TEK: variants seen among roughly 807,000 people sequenced by gnomAD.
TEK encodes the protein TEK receptor tyrosine kinase, also known as angiopoietin-1 receptor.
Under a neutral mutation model 131.8 loss-of-function variants are expected in TEK, and 43 were observed. The ratio of observed to expected loss-of-function variants is 0.33; its 90% CI spans 0.26 to 0.42. The LOEUF (loss-of-function observed/expected upper bound fraction) is 0.42. Among genes scored for constraint, TEK ranks in the 10% least tolerant of loss-of-function variants. The pLI is 1.00. For synonymous variants in TEK, 580 were observed against 491.6 expected, an observed-to-expected ratio of 1.18 and a Z score of -2.38; for missense variants, 1,162 against 1,384.4, an observed-to-expected ratio of 0.84 and a Z score of 2.55.
chr9:27,227,174 C>G (rs1826370588), intron 21 of TEK, among the ~76,000 whole-genome samples: 1 of 152,172 alleles, frequency 6.6e-6, no homozygotes, highest in Non-Finnish European at 1.5e-5. Context: ...TAAGGTTCCC[C>G]AGAGTCATTT....
chr9:27,127,183 G>A (rs1822019521), intron 1 of TEK, among the ~76,000 whole-genome samples: 1 of 152,136 alleles, frequency 6.6e-6, no homozygotes, highest in Admixed American at 6.5e-5. Flanking sequence ...CCGTGTCCAT[G>A]TGTTCTCATT....
chr9:27,222,950 T>TAA (rs540152198), intron 21 of TEK, among the ~76,000 whole-genome samples: 1 of 151,078 alleles, frequency 6.6e-6, no homozygotes, highest in Non-Finnish European at 1.5e-5. Flanking sequence ...TAGAAAGCAA[T>TAA]AAAAAAAAGC....
intron 1 of TEK, among the ~76,000 whole-genome samples, chr9:27,135,535 T>A (rs1207883396): frequency 6.6e-6 from 1 of 152,226 alleles, no homozygotes; most frequent in East Asian, 1.9e-4. Flanking sequence ...ATTTGCCACA[T>A]ACTGTTAATA....
chr9:27,173,387 C>G (rs1384462574), intron 6 of TEK, 25 bp downstream of exon 6: 5 of 1,613,508 alleles, frequency 3.1e-6, no homozygotes, highest in Non-Finnish European at 4.2e-6. Flanking sequence ...CACCCTTGGA[C>G]AGAGGATGTT....
rs745762092 is a variant in TEK, at chr9:27,228,337, A to C, written c.3300+32A>C. On this transcript the variant is annotated intron_variant, in intron 22 of 22. Transcript: ENST00000380036. The stretch of plus-strand genomic sequence containing the variant: ...ATTAAAGTCAGGCAGGAGATCTTTA[A>C]TTGGAATACCTGATGTGCCCAGGGT... The C allele has an allele frequency of 1.6e-5, 25 of 1,530,252 alleles. No individual in the cohort carries two copies. In the South Asian group the frequency reaches 2.4e-4, roughly 14 times the overall value. The allele number at this position is 1,530,252 out of a possible 1,614,324, so 94.8% of individuals were successfully genotyped here. A position where few individuals can be genotyped will look rare whatever the true frequency, so the allele number is the denominator to read the frequency against.
At chr9:27,196,970 G>A (rs1432176001) in intron 11 of TEK, among the ~76,000 whole-genome samples, 1 of 151,380 alleles carries the variant, frequency 6.6e-6, no homozygotes, top group Non-Finnish European at 1.5e-5. Flanking sequence ...CCATTAACTC[G>A]TCATTTAACT....
At chr9:27,180,879 C>T (rs764875136) in intron 7 of TEK, among the ~76,000 whole-genome samples, 1 of 152,096 alleles carries the variant, frequency 6.6e-6, no homozygotes, top group African/African-American at 2.4e-5. Context: ...TTTTTTTAAA[C>T]AGCTTTATAG....
At chr9:27,181,492 T>G (rs1444560731) in intron 7 of TEK, among the ~76,000 whole-genome samples, 1 of 152,226 alleles carries the variant, frequency 6.6e-6, no homozygotes, top group Non-Finnish European at 1.5e-5. Context: ...TAAACAAGAT[T>G]GTATAATACG....
rs374382893 is a variant in TEK at position 27,172,670 on chromosome 9, T to C, written c.683T>C (p.Met228Thr). The C allele has an allele frequency of 6.2e-7, 1 of 1,613,788 alleles. No homozygotes were observed. The highest frequency in any genetic ancestry group is 2.2e-5 in the East Asian group (1 of 44,868). ...PECNHLCTAC[M>T]NNGVCHEDTG... is the part of the protein sequence containing the mutation. ...TGCAACCATCTCTGTACTGCTTGTATGAACAATGGTGTCTGCCATGAAGAT... is the reference window on the plus strand; with the variant it reads ...TGCAACCATCTCTGTACTGCTTGTACGAACAATGGTGTCTGCCATGAAGAT... The change falls in exon 5 of 23, where the codon ATG becomes ACG. Residue 228 changes from methionine to threonine, a missense_variant. This residue lies in a region of TEK where 436 missense variants were observed against 539.1 expected (regional missense o/e 0.81). Transcript: ENST00000380036.
At chr9:27,120,884 G>T (rs569219957) in intron 1 of TEK, among the ~76,000 whole-genome samples, 1 of 152,196 alleles carries the variant, frequency 6.6e-6, no homozygotes, top group Non-Finnish European at 1.5e-5. Flanking sequence ...CTTGGTACTT[G>T]CCTTTGTCAT....
chr9:27,164,566 A>G (rs1028299017), intron 2 of TEK, among the ~76,000 whole-genome samples: 22 of 152,122 alleles, frequency 1.4e-4, no homozygotes, highest in African/African-American at 4.8e-4. Context: ...TGATCTGCCC[A>G]CCTTGGCCTC....
intron 15 of TEK, among the ~76,000 whole-genome samples, chr9:27,208,889 C>G (rs1825499329): frequency 6.6e-6 from 1 of 151,820 alleles, no homozygotes; most frequent in Non-Finnish European, 1.5e-5. Context: ...TTAGTAGAGG[C>G]CAGGATGGCT....
chr9:27,146,753 G>A (rs893108238), intron 1 of TEK, among the ~76,000 whole-genome samples: 3 of 143,184 alleles, frequency 2.1e-5, no homozygotes, highest in Middle Eastern at 3.6e-3. Flanking sequence ...CGGGGGGGAC[G>A]GAGTCTTGCT....
intron 1 of TEK, among the ~76,000 whole-genome samples, chr9:27,141,295 G>A (rs62544600): frequency 0.12 from 18,893 of 151,924 alleles, 1,494 homozygotes; most frequent in Middle Eastern, 0.26. Flanking sequence ...TTATTTTGAT[G>A]TATACACCCT....
chr9:27,220,338 A>G (rs1031732216), intron 21 of TEK, among the ~76,000 whole-genome samples, 193 bp downstream of exon 21: 2 of 152,208 alleles, frequency 1.3e-5, no homozygotes, highest in Non-Finnish European at 2.9e-5. Context: ...TTAGCTTTAC[A>G]GGCATAGAAA....
At chr9:27,135,976 C>G (rs1422580181) in intron 1 of TEK, among the ~76,000 whole-genome samples, 1 of 152,060 alleles carries the variant, frequency 6.6e-6, no homozygotes, top group African/African-American at 2.4e-5. Flanking sequence ...TACCGTCATT[C>G]TGAGATAGCC....
intron 13 of TEK, among the ~76,000 whole-genome samples, chr9:27,203,371 G>A (rs1318006449): frequency 6.6e-6 from 1 of 152,150 alleles, no homozygotes; most frequent in Non-Finnish European, 1.5e-5. Context: ...AAAGCTCTGA[G>A]GAATATGAAT....
At chr9:27,196,955 T>C (rs997185566) in intron 11 of TEK, among the ~76,000 whole-genome samples, 3 of 152,010 alleles carry the variant, frequency 2.0e-5, no homozygotes, top group Non-Finnish European at 4.4e-5. Flanking sequence ...GTTGGTGTGC[T>C]GCACCCATTA....
intron 10 of TEK, among the ~76,000 whole-genome samples, chr9:27,191,701 T>C (rs946697445): frequency 6.6e-6 from 1 of 152,170 alleles, no homozygotes; most frequent in African/African-American, 2.4e-5. Flanking sequence ...CTATTGTAGA[T>C]TCTATCAAAA....
Sources: gnomAD v4.1 joint callset for allele counts (sites outside exome capture counted in the v4.1 genomes callset) on GRCh38, gnomAD v4.1.1 for gene constraint, gnomAD v4.1.1 regional missense constraint, MANE v1.5 for transcripts, NCBI Gene and HGNC (gene_info 2026-07-23, HGNC 2026-07-21) for gene names.